STAP2: variants seen among roughly 807,000 people sequenced by gnomAD.
STAP2 encodes the protein signal-transducing adaptor protein 2.
Under a neutral mutation model 52.7 loss-of-function variants are expected in STAP2, and 58 were observed. That is an observed-to-expected ratio of 1.10 (90% CI 0.89 to 1.37). STAP2 has a LOEUF of 1.37. Ranked by LOEUF, STAP2 falls within the 40% of genes most tolerant of loss-of-function variation. The pLI is 0.00. For synonymous variants in STAP2, 231 were observed against 210.5 expected (o/e 1.10, Z -0.84); for missense variants, 522 against 519.4 (o/e 1.00, Z -0.05).
chr19:4,327,275 C>A, intron 7 of STAP2, 41 bp downstream of exon 7: 1 of 1,614,030 alleles, frequency 6.2e-7, no homozygotes, highest in Non-Finnish European at 8.5e-7. Flanking sequence ...GGGACGCGGA[C>A]CCCACAAAGT....
chr19:4,327,370 C>T lies in STAP2; in HGVS notation c.606G>A (p.Arg202=), dbSNP rs1291104104. The part of the protein sequence containing the change: ...RQMHNGTHVV[R]HYKVKREGPK... The stretch of plus-strand genomic sequence containing the variant: ...GGCCCTCCCGCTTCACCTTGTAATG[C>T]CGGACCACGTGCGTCCTGCACCAGG... The change falls in exon 7 of 13, where the codon CGG becomes CGA. Residue 202 remains arginine (R), a synonymous_variant. Coordinates refer to ENST00000594605, the MANE Select transcript of STAP2 (RefSeq NM_001013841.2). The T allele has an allele frequency of 3.7e-6, 6 of 1,614,142 alleles. No individual in the cohort carries two copies. Among genetic ancestry groups the T allele is most frequent in the Non-Finnish European group, 5.1e-6 (6 of 1,180,002 alleles).
At chr19:4,337,706 G>T (rs1183976002) in intron 1 of STAP2, among the ~76,000 whole-genome samples, 1 of 152,036 alleles carries the variant, frequency 6.6e-6, no homozygotes, top group African/African-American at 2.4e-5. Context: ...AATTAGGTGT[G>T]GTGGTGCGTA....
At chr19:4,331,839 C>A (rs1243040488) in intron 4 of STAP2, among the ~76,000 whole-genome samples, 183 bp downstream of exon 4, 1 of 151,756 alleles carries the variant, frequency 6.6e-6, no homozygotes, top group Non-Finnish European at 1.5e-5. Context: ...GGCTGAGGCA[C>A]GAGAATGGCG....
At chr19:4,325,016 G>T (rs1272620834) in intron 11 of STAP2, 200 bp downstream of exon 11, 2 of 562,910 alleles carry the variant, frequency 3.6e-6, no homozygotes, top group Non-Finnish European at 6.3e-6. Context: ...GCGGGCACCT[G>T]TAGTCCCAGC....
chr19:4,335,994 C>T (rs1179504918), intron 1 of STAP2, among the ~76,000 whole-genome samples: 1 of 151,896 alleles, frequency 6.6e-6, no homozygotes, highest in Admixed American at 6.6e-5. Context: ...TAATTCGGGC[C>T]CATGATCTTT....
chr19:4,331,775 C>CA (rs956798743), intron 4 of STAP2, among the ~76,000 whole-genome samples: 1 of 147,618 alleles, frequency 6.8e-6, no homozygotes, highest in Non-Finnish European at 1.5e-5. Context: ...TACTAAAATA[C>CA]AAAAAAATTA....
In STAP2 at chr19:4,327,236, G is replaced by C. The variant is rs756357376; in HGVS notation, c.661-10C>G. On this transcript the variant is annotated splice_polypyrimidine_tract_variant and intron_variant, in intron 7 of 12. Coordinates refer to ENST00000594605, the MANE Select transcript of STAP2 (RefSeq NM_001013841.2). ...GGGAGGTGCAAGAGAACTGGGGGCA[G>C]ATGGGGGAGCGGTCAGGCTGCTGGA... 1 of 1,614,080 alleles carries C rather than the reference G, an allele frequency of 6.2e-7. No individual in the cohort carries two copies. The highest frequency in any genetic ancestry group is 1.1e-5 in the South Asian group (1 of 90,962).
At chr19:4,333,594 G>C (rs769852437) in intron 3 of STAP2, 100 bp downstream of exon 3, 60 of 1,483,876 alleles carry the variant, frequency 4.0e-5, no homozygotes, top group Non-Finnish European at 5.0e-5. Context: ...ACAGGGCCCT[G>C]TACTACCTGC....
At chr19:4,336,412 A>C (rs1158916231) in intron 1 of STAP2, among the ~76,000 whole-genome samples, 2 of 119,592 alleles carry the variant, frequency 1.7e-5, no homozygotes, top group Non-Finnish European at 3.3e-5. Context: ...CCCCCGCCCC[A>C]GTTCAAGCAA....
rs749365932 is a variant in STAP2, at chr19:4,338,709, A to G, written c.45T>C (p.Gly15=). The G allele has an allele frequency of 3.8e-5, 62 of 1,613,452 alleles. No homozygotes were observed. In the Middle Eastern group the frequency reaches 6.6e-4, roughly 17 times the overall value. The change falls in exon 1 of 13, where the codon GGT becomes GGC. Residue 15 remains glycine (G), a synonymous_variant. Coordinates refer to ENST00000594605, the MANE Select transcript of STAP2 (RefSeq NM_001013841.2). ...TCTCATAGTAGTGTGAAGGCAGGAC[A>G]CCCTTAGGCTTGGGGACACGGGGTG... The part of the protein sequence containing the change: ...LRPPRVPKPK[G]VLPSHYYESF...
At chr19:4,326,745 T>TTAG (rs1402561958) in intron 9 of STAP2, among the ~76,000 whole-genome samples, 197 bp downstream of exon 9, 2 of 151,996 alleles carry the variant, frequency 1.3e-5, no homozygotes, top group African/African-American at 4.8e-5. Context: ...GTGTCTGTGT[T>TTAG]TAGCTCTGTC....
rs542510223 is a variant in STAP2, at chr19:4,338,651, C to T, written c.102+1G>A. On this transcript the variant is annotated splice_donor_variant, in intron 1 of 12. Coordinates refer to ENST00000594605, the MANE Select transcript of STAP2 (RefSeq NM_001013841.2). LOFTEE classifies it high-confidence loss of function. The stretch of plus-strand genomic sequence containing the variant: ...GGCCAGCCCCCGCCTCCCCACCTTA[C>T]CCGGTCACAGGGCCCCTTCTTCTCT... 1.3e-5 allele frequency: 21 copies of T among 1,555,932 alleles called. No individual in the cohort carries two copies. The Admixed American group carries it at 1.9e-4, about 14-fold the overall frequency.
Position 4,327,115 on chromosome 19 carries a change from G to T in STAP2, c.763+9C>A, listed in dbSNP as rs765572302. On this transcript the variant is annotated intron_variant, in intron 8 of 12. Coordinates refer to ENST00000594605, the MANE Select transcript of STAP2 (RefSeq NM_001013841.2). ...ACTGGGCCCCCGAACTCCCCGAAGG[G>T]GCACCCACCTAGCACCTTCTCGTAG... 1.2e-6 allele frequency: 2 copies of T among 1,614,096 alleles called. No individual in the cohort carries two copies. The highest frequency in any genetic ancestry group is 1.1e-5 in the South Asian group (1 of 91,066).
chr19:4,329,915 C>A, intron 5 of STAP2, 46 bp downstream of exon 5: 2 of 1,557,800 alleles, frequency 1.3e-6, no homozygotes, highest in Non-Finnish European at 1.8e-6. Context: ...ACACAACCAC[C>A]TCCCGTCCCC....
chr19:4,335,499 A>G (rs895496767), intron 1 of STAP2, among the ~76,000 whole-genome samples: 1 of 151,660 alleles, frequency 6.6e-6, no homozygotes, highest in Non-Finnish European at 1.5e-5. Context: ...CTCAGCCACC[A>G]TCAAGCCCGC....
intron 11 of STAP2, chr19:4,324,855 C>G: frequency 2.4e-6 from 1 of 420,970 alleles, no homozygotes; most frequent in Non-Finnish European, 4.3e-6. Context: ...GACAGATGAG[C>G]TGGGTGCGGT....
intron 5 of STAP2, 86 bp downstream of exon 5, chr19:4,329,875 G>T: frequency 1.5e-6 from 1 of 684,608 alleles, no homozygotes; most frequent in Admixed American, 2.9e-5. Flanking sequence ...CCCAACTCCA[G>T]GGGACCCAAC....
intron 8 of STAP2, 40 bp from the exon 9 acceptor site, chr19:4,327,047 A>G (rs1298184677): frequency 1.1e-5 from 17 of 1,597,760 alleles, no homozygotes; most frequent in Non-Finnish European, 1.5e-5. Flanking sequence ...CGCGGCGGCC[A>G]GGGGCGGCCC....
chr19:4,335,478 C>G (rs1337845992), intron 1 of STAP2, among the ~76,000 whole-genome samples: 1 of 152,126 alleles, frequency 6.6e-6, no homozygotes, highest in South Asian at 2.1e-4. Flanking sequence ...ATCCATCCAC[C>G]CACACATCCT....
Sources: gnomAD v4.1 joint callset for allele counts (sites outside exome capture counted in the v4.1 genomes callset) on GRCh38, gnomAD v4.1.1 for gene constraint, MANE v1.5 for transcripts, NCBI Gene and HGNC (gene_info 2026-07-23, HGNC 2026-07-21) for gene names.